The following LINGO2 variants were observed in gnomAD, a reference collection of about 807,000 sequenced individuals.
LINGO2 encodes leucine rich repeat and Ig domain containing 2.
LINGO2 carries 14 observed loss-of-function variants against 30.6 expected under a neutral mutation model. That is an observed-to-expected ratio of 0.46 (90% CI 0.30 to 0.72). The LOEUF (loss-of-function observed/expected upper bound fraction) is 0.72, where lower values mean the gene tolerates loss of function less well. Ranked by LOEUF, LINGO2 falls within the 30% of genes least tolerant of loss-of-function variation. The probability of loss-of-function intolerance (pLI) is 0.07; values close to 1 mark genes in which losing one functional copy is unlikely to be tolerated. For missense variants in LINGO2, 729 were observed against 751.7 expected (o/e 0.97, Z 0.35); for synonymous variants, 317 against 288.5 (o/e 1.10, Z -1.00).
intron 2 of LINGO2, among the ~76,000 whole-genome samples, chr9:28,399,677 G>T (rs1429979317): frequency 2.6e-5 from 4 of 152,130 alleles, no homozygotes; most frequent in African/African-American, 9.7e-5. Flanking sequence ...AATACTTCCT[G>T]TGATGATCAG....
chr9:29,063,441 C>T, the LINGO2 span, among the ~76,000 whole-genome samples: 1 of 149,484 alleles, frequency 6.7e-6, no homozygotes, highest in Non-Finnish European at 1.5e-5. Context: ...TCGCTATTGT[C>T]ACCCAGGCTG....
chr9:28,509,751 C>G (rs1196145446), intron 1 of LINGO2, among the ~76,000 whole-genome samples: 1 of 152,146 alleles, frequency 6.6e-6, no homozygotes. Context: ...TGATGGCACT[C>G]TAATCTTAGA....
At position 28,620,711 on chromosome 9, in the gene LINGO2, C is replaced by T. The variant is rs77991998; in HGVS notation, c.-365+49489G>A. ...TGGGACTGGAGGCCATTATCCTTAG[C>T]AAACTAACAGATGAACAGAAAACCA... On this transcript the variant is annotated intron_variant, in intron 1 of 5. Coordinates refer to ENST00000379992, the Ensembl canonical transcript of LINGO2. 8.5e-3 allele frequency among the ~76,000 whole-genome samples: 1,297 copies of T among 152,098 alleles called. 27 individuals carry two copies. Among genetic ancestry groups the T allele is most frequent in the East Asian group, 0.082 (423 of 5,164 alleles).
the LINGO2 span, among the ~76,000 whole-genome samples, chr9:29,139,201 C>T: frequency 4.6e-5 from 7 of 152,064 alleles, no homozygotes; most frequent in Admixed American, 1.3e-4. Context: ...ACAACCAGTG[C>T]GCTTGGAAGC....
the LINGO2 span, chr9:27,939,028 A>AT: frequency 6.6e-6 from 1 of 152,200 alleles, no homozygotes; most frequent in Non-Finnish European, 1.5e-5. Context: ...AAAGATATAA[A>AT]TAGACATTTA....
rs550417898 is a variant in LINGO2 at position 28,596,086 on chromosome 9, T to C, written c.-365+74114A>G. Among the ~76,000 whole-genome samples the C allele has an allele frequency of 3.9e-5, 6 of 152,308 alleles. No individual in the cohort carries two copies. The South Asian group carries it at 1.2e-3, about 32-fold the overall frequency. On this transcript the variant is annotated intron_variant, in intron 1 of 5. Coordinates refer to ENST00000379992, the Ensembl canonical transcript of LINGO2. ...GGCTAATGGAACTTTTTACTGTAAC[T>C]TTTGGTAAGGTCCTAATGATAGCAT...
chr9:29,138,756 T>C, the LINGO2 span, among the ~76,000 whole-genome samples: 1 of 152,158 alleles, frequency 6.6e-6, no homozygotes, highest in Admixed American at 6.6e-5. Context: ...TTCAGTATCA[T>C]ACGAACTTTG....
At chr9:28,465,729 A>G (rs1412220009) in intron 2 of LINGO2, among the ~76,000 whole-genome samples, 1 of 152,184 alleles carries the variant, frequency 6.6e-6, no homozygotes, top group African/African-American at 2.4e-5. Context: ...GGGATTAATA[A>G]CCAGAATATA....
chr9:28,701,656 C>T, the LINGO2 span, among the ~76,000 whole-genome samples: 3 of 151,732 alleles, frequency 2.0e-5, no homozygotes, highest in African/African-American at 7.3e-5. Context: ...ATTTTAAAAT[C>T]AATTTTTTAA....
chr9:28,429,219 CAG>C, intron 2 of LINGO2, among the ~76,000 whole-genome samples: 1 of 152,198 alleles, frequency 6.6e-6, no homozygotes, highest in South Asian at 2.1e-4. Flanking sequence ...AGCAAACTTG[CAG>C]AACACATTGC....
At chr9:28,298,615 A>G (rs10733431) in intron 3 of LINGO2, among the ~76,000 whole-genome samples, 146,956 of 150,702 alleles carry the variant, frequency 0.98, 71,755 homozygotes, top group Middle Eastern at 1. Flanking sequence ...CCTGGGAGGC[A>G]GAGGTTGTGG....
At chr9:28,500,818 G>T (rs1395561608) in intron 1 of LINGO2, among the ~76,000 whole-genome samples, 1 of 152,010 alleles carries the variant, frequency 6.6e-6, no homozygotes, top group Non-Finnish European at 1.5e-5. Flanking sequence ...AATAAGAAAA[G>T]TAAAAAATGA....
the LINGO2 span, among the ~76,000 whole-genome samples, chr9:29,094,674 T>C: frequency 1.4e-5 from 2 of 139,042 alleles, 1 homozygote; most frequent in Non-Finnish European, 3.1e-5. Context: ...TGGCTGACTA[T>C]AGAAAGTAAC....
intron 1 of LINGO2, among the ~76,000 whole-genome samples, chr9:28,604,947 C>T (rs1464288713): frequency 1.3e-5 from 2 of 151,824 alleles, no homozygotes; most frequent in Non-Finnish European, 2.9e-5. Flanking sequence ...TTTTTATTTG[C>T]ATTTTATATA....
At chr9:28,784,193 G>GGA in the LINGO2 span, among the ~76,000 whole-genome samples, 6 of 152,188 alleles carry the variant, frequency 3.9e-5, no homozygotes, top group African/African-American at 1.2e-4. Flanking sequence ...TTTCTTGTAA[G>GGA]GAGAGATTGG....
At chr9:28,054,288 G>A (rs1587778465) in intron 4 of LINGO2, among the ~76,000 whole-genome samples, 2 of 152,112 alleles carry the variant, frequency 1.3e-5, no homozygotes, top group Admixed American at 1.3e-4. Context: ...TCAACCAGCA[G>A]GAGCTACAGC....
At position 28,085,831 on chromosome 9, in the gene LINGO2, G is replaced by A. The variant is rs573389279; in HGVS notation, c.-86-73426C>T. ...CATGAAGGGAGGCAAAGAAAGGGACGCTGGTGAGGTATTTTACTGGGCGGT... is the reference window on the plus strand; with the variant it reads ...CATGAAGGGAGGCAAAGAAAGGGACACTGGTGAGGTATTTTACTGGGCGGT... On this transcript the variant is annotated intron_variant, in intron 4 of 5. Transcript: ENST00000379992. Among the ~76,000 whole-genome samples the A allele has an allele frequency of 3.3e-5, 5 of 152,166 alleles. No individual in the cohort carries two copies. The East Asian group carries it at 5.8e-4, about 18-fold the overall frequency.
At chr9:28,032,042 G>A (rs74894939) in intron 4 of LINGO2, among the ~76,000 whole-genome samples, 4 of 97,172 alleles carry the variant, frequency 4.1e-5, no homozygotes, top group Admixed American at 9.2e-5. Context: ...AATGAGGGGT[G>A]GGGGGGGAAA....
At chr9:28,168,155 T>C (rs1261676360) in intron 4 of LINGO2, among the ~76,000 whole-genome samples, 2 of 152,058 alleles carry the variant, frequency 1.3e-5, no homozygotes, top group Non-Finnish European at 2.9e-5. Flanking sequence ...GAGCAGGGAG[T>C]GTGGTGATAA....
Sources: gnomAD v4.1 joint callset for allele counts (sites outside exome capture counted in the v4.1 genomes callset) on GRCh38, gnomAD v4.1.1 for gene constraint, MANE v1.5 for transcripts, NCBI Gene and HGNC (gene_info 2026-07-23, HGNC 2026-07-21) for gene names.